Variants in TEX101 observed in about 807,000 individuals in gnomAD.
TEX101 encodes the protein testis-expressed protein 101.
Under a neutral mutation model 18.1 loss-of-function variants are expected in TEX101, and 10 were observed. The ratio of observed to expected loss-of-function variants is 0.55; its 90% confidence interval spans 0.34 to 0.94. TEX101 has a LOEUF of 0.94. TEX101 is among the 40% of genes least tolerant of loss of function. The pLI, the probability that TEX101 is intolerant of heterozygous loss-of-function variation, is 0.02. For missense variants in TEX101, 259 were observed against 298.9 expected, an observed-to-expected ratio of 0.87 and a Z score of 0.98; for synonymous variants, 94 against 114.8, an observed-to-expected ratio of 0.82 and a Z score of 1.16.
upstream of TEX101, among the ~76,000 whole-genome samples, chr19:43,399,817 T>TC (rs1970304160): frequency 6.6e-6 from 1 of 151,362 alleles, no homozygotes; most frequent in Admixed American, 6.6e-5. Context: ...TTTTTTTTTT[T>TC]TTTTTTAAAG....
rs746517546 is a variant in TEX101, at chr19:43,415,941, C to T, written c.22C>T (p.His8Tyr). ...AGCCATGGGAACCCCTCGTATCCAG[C>T]ATTTGCTGATCCTCCTGGTCCTAGG... The part of the protein sequence containing the change: MGTPRIQ[H>Y]LLILLVLGAS... Residue 8 changes from histidine to tyrosine, a missense_variant, in exon 2 of 6, where the codon CAT becomes TAT. Transcript: ENST00000598265. 9 of 1,614,182 alleles carry T rather than the reference C, an allele frequency of 5.6e-6. No individual in the cohort carries two copies. Among genetic ancestry groups the T allele is most frequent in the Admixed American group, 1.7e-5 (1 of 60,024 alleles).
At chr19:43,390,512 T>C in the TEX101 span, among the ~76,000 whole-genome samples, 2 of 121,858 alleles carry the variant, frequency 1.6e-5, no homozygotes, top group Non-Finnish European at 3.2e-5. Flanking sequence ...CTCTCACCCA[T>C]GCTGGAATGC....
At chr19:43,393,099 GGAAGGAAA>G in the TEX101 span, among the ~76,000 whole-genome samples, 1 of 150,302 alleles carries the variant, frequency 6.7e-6, no homozygotes, top group Admixed American at 6.6e-5. Context: ...AAGGAAGGAA[GGAAGGAAA>G]GAAAGAAGGA....
At chr19:43,400,355 G>GA (rs1467848450), upstream of TEX101, among the ~76,000 whole-genome samples, 3 of 152,178 alleles carry the variant, frequency 2.0e-5, no homozygotes, top group Admixed American at 6.5e-5. Flanking sequence ...ATACTTTTTA[G>GA]AAAAAGAAAT....
At chr19:43,417,227 G>C (rs1970489916) in intron 4 of TEX101, among the ~76,000 whole-genome samples, 1 of 151,968 alleles carries the variant, frequency 6.6e-6, no homozygotes, top group South Asian at 2.1e-4. Flanking sequence ...TTTACTGTGT[G>C]CTAACTGGGG....
At chr19:43,415,666 G>A (rs1970466398) in intron 1 of TEX101, among the ~76,000 whole-genome samples, 1 of 151,960 alleles carries the variant, frequency 6.6e-6, no homozygotes, top group Admixed American at 6.6e-5. Flanking sequence ...GGGAGGCTGA[G>A]GCAGGAGAAT....
chr19:43,402,584 C>CTT (rs879497888), intron 1 of TEX101, among the ~76,000 whole-genome samples: 6 of 143,694 alleles, frequency 4.2e-5, no homozygotes, highest in Admixed American at 7.0e-5. Flanking sequence ...CTAAATCTGA[C>CTT]TTTTTTTTTT....
Position 43,418,435 on chromosome 19 carries a change from T to C in TEX101, c.*38T>C. On this transcript the variant is annotated 3_prime_UTR_variant, in exon 6 of 6. Coordinates refer to ENST00000598265, the MANE Select transcript of TEX101 (RefSeq NM_001130011.3). Reference sequence around the variant, plus strand: ...GGGCCTGGGTCTGAGGACATCTTTTTTGACTGGGAGCCTTCTTACTGTTGA... The same window carrying C: ...GGGCCTGGGTCTGAGGACATCTTTTCTGACTGGGAGCCTTCTTACTGTTGA... 6.4e-7 allele frequency: 1 copy of C among 1,561,532 alleles called. No individual in the cohort carries two copies. The highest frequency in any genetic ancestry group is 8.7e-7 in the Non-Finnish European group (1 of 1,143,474).
chr19:43,396,152 G>T, the TEX101 span, among the ~76,000 whole-genome samples: 2 of 152,150 alleles, frequency 1.3e-5, no homozygotes, highest in Non-Finnish European at 2.9e-5. Context: ...AGCCTCACAG[G>T]CTTCCATCAG....
rs201353716 is a variant in TEX101 at position 43,415,988 on chromosome 19, G to A, written c.64+5G>A. ...TAGGAGCCTCCCTCCTGACCTGTGC[G>A]TATGGGGGACATAGGGGAGAGCCGT... On this transcript the variant is annotated splice_donor_5th_base_variant and intron_variant, in intron 2 of 5. Coordinates refer to ENST00000598265, the MANE Select transcript of TEX101 (RefSeq NM_001130011.3). 120 of 1,613,852 alleles carry A rather than the reference G, an allele frequency of 7.4e-5. No individual in the cohort carries two copies. The highest frequency in any genetic ancestry group is 2.3e-4 in the Admixed American group (14 of 59,968).
At chr19:43,389,794 T>G in the TEX101 span, among the ~76,000 whole-genome samples, 5 of 152,174 alleles carry the variant, frequency 3.3e-5, no homozygotes, top group African/African-American at 1.2e-4. Flanking sequence ...GGTCACTCCT[T>G]TATGTCCCTT....
upstream of TEX101, among the ~76,000 whole-genome samples, chr19:43,399,800 CTA>C (rs1427205162): frequency 7.1e-6 from 1 of 141,132 alleles, no homozygotes; most frequent in East Asian, 2.3e-4. Flanking sequence ...CTCCTATGTC[CTA>C]TTTTTTTTTT....
the TEX101 span, among the ~76,000 whole-genome samples, chr19:43,390,759 C>G: frequency 6.6e-6 from 1 of 150,904 alleles, no homozygotes; most frequent in African/African-American, 2.4e-5. Context: ...GCCACCTCGC[C>G]CGGCCCATTT....
chr19:43,395,958 C>T, the TEX101 span, among the ~76,000 whole-genome samples: 1 of 152,232 alleles, frequency 6.6e-6, no homozygotes, highest in Non-Finnish European at 1.5e-5. Context: ...TGACAAAGTT[C>T]ACTCCTGCAG....
upstream of TEX101, among the ~76,000 whole-genome samples, chr19:43,410,713 CAT>C (rs1970411353): frequency 6.6e-6 from 1 of 151,506 alleles, no homozygotes; most frequent in Non-Finnish European, 1.5e-5. Context: ...TGCACACTGA[CAT>C]GTACACCGAG....
chr19:43,388,970 G>A, the TEX101 span, among the ~76,000 whole-genome samples: 2 of 152,030 alleles, frequency 1.3e-5, no homozygotes, highest in African/African-American at 4.8e-5. Flanking sequence ...TTCCTCCCGG[G>A]CCCTGCCTCT....
rs192293408 is a variant in TEX101 at position 43,416,593 on chromosome 19, C to A, written c.391+38C>A. The A allele has an allele frequency of 2.0e-5, 32 of 1,582,656 alleles. No individual in the cohort carries two copies. In the African/African-American group the frequency reaches 2.6e-4, roughly 13 times the overall value. On this transcript the variant is annotated intron_variant, in intron 4 of 5. Coordinates refer to ENST00000598265, the MANE Select transcript of TEX101 (RefSeq NM_001130011.3). ...TGGGGGAGATAGGTACTAAGAGAAA[C>A]TCCATAAAGAGCTTGTGTATGGCCT...
upstream of TEX101, among the ~76,000 whole-genome samples, chr19:43,410,962 C>T (rs757880021): frequency 2.0e-5 from 3 of 152,168 alleles, no homozygotes; most frequent in Admixed American, 6.5e-5. Context: ...CTGCAACCTC[C>T]ACCTCCTGGG....
At chr19:43,403,707 G>A (rs1299565257) in intron 2 of TEX101, among the ~76,000 whole-genome samples, 1 of 150,890 alleles carries the variant, frequency 6.6e-6, no homozygotes, top group African/African-American at 2.4e-5. Context: ...GCTGTATCAA[G>A]TCAATGTCAG....
Sources: gnomAD v4.1 joint callset for allele counts (sites outside exome capture counted in the v4.1 genomes callset) on GRCh38, gnomAD v4.1.1 for gene constraint, MANE v1.5 for transcripts, NCBI Gene and HGNC (gene_info 2026-07-23, HGNC 2026-07-21) for gene names.